Variants in ASTN2 observed in about 807,000 individuals in gnomAD.
The protein encoded by ASTN2 is astrotactin 2.
A neutral mutation model predicts 139.8 loss-of-function variants in ASTN2; 54 were observed. The ratio of observed to expected loss-of-function variants is 0.39; its 90% CI spans 0.31 to 0.48. The LOEUF (loss-of-function observed/expected upper bound fraction) is 0.48, where lower values mean the gene tolerates loss of function less well. ASTN2 is among the 20% of genes least tolerant of loss of function. The probability of loss-of-function intolerance (pLI) is 0.95; values close to 1 mark genes in which losing one functional copy is unlikely to be tolerated. For synonymous variants in ASTN2, 756 were observed against 719.5 expected (o/e 1.05, Z -0.81); for missense variants, 1,565 against 1,725.1 (o/e 0.91, Z 1.64).
chr9:116,782,299 T>C (rs1830240338), intron 13 of ASTN2, among the ~76,000 whole-genome samples: 1 of 152,146 alleles, frequency 6.6e-6, no homozygotes, highest in African/African-American at 2.4e-5. Context: ...CCCATCAATA[T>C]TATGACAGTC....
chr9:117,249,491 T>C (rs1833476869), intron 2 of ASTN2, among the ~76,000 whole-genome samples: 1 of 152,178 alleles, frequency 6.6e-6, no homozygotes, highest in Admixed American at 6.5e-5. Context: ...CTTTATTTTG[T>C]AGCAGAACCC....
intron 3 of ASTN2, among the ~76,000 whole-genome samples, chr9:117,209,405 G>T (rs1373702840): frequency 6.6e-6 from 1 of 151,988 alleles, no homozygotes; most frequent in Non-Finnish European, 1.5e-5. Context: ...CAAGTAGCTG[G>T]AATTATATCA....
intron 2 of ASTN2, among the ~76,000 whole-genome samples, chr9:117,290,359 T>C (rs765488332): frequency 6.6e-6 from 1 of 152,230 alleles, no homozygotes; most frequent in African/African-American, 2.4e-5. Flanking sequence ...CTATCTACCA[T>C]GCAATGCCAA....
At chr9:116,502,873 AAG>A (rs750943548) in intron 19 of ASTN2, among the ~76,000 whole-genome samples, 5 of 147,280 alleles carry the variant, frequency 3.4e-5, no homozygotes, top group East Asian at 2.1e-4. Flanking sequence ...GGAAAGAAAA[AAG>A]AGAGGAAGGA....
chr9:117,004,212 A>G (rs1481476009), intron 7 of ASTN2, among the ~76,000 whole-genome samples: 1 of 152,070 alleles, frequency 6.6e-6, no homozygotes, highest in Non-Finnish European at 1.5e-5. Context: ...CTCGACTTCC[A>G]GGACTCAAGC....
chr9:117,235,394 T>C (rs1833016787), intron 2 of ASTN2, among the ~76,000 whole-genome samples: 1 of 152,144 alleles, frequency 6.6e-6, no homozygotes, highest in South Asian at 2.1e-4. Flanking sequence ...ATTTTGCAGA[T>C]AAGAAAACAA....
At chr9:116,976,321 A>G (rs1836340796) in intron 8 of ASTN2, 133 bp from the exon 9 acceptor site, 1 of 695,192 alleles carries the variant, frequency 1.4e-6, no homozygotes, top group African/African-American at 1.8e-5. Context: ...AAGACTACTT[A>G]TATTATAAAA....
chr9:117,136,415 A>G (rs1829951945), intron 4 of ASTN2, among the ~76,000 whole-genome samples: 1 of 152,250 alleles, frequency 6.6e-6, no homozygotes, highest in Non-Finnish European at 1.5e-5. Context: ...CTTTTAAAAG[A>G]TGAACCTGAA....
chr9:117,229,788 T>C (rs766430585), intron 2 of ASTN2, among the ~76,000 whole-genome samples: 1 of 152,062 alleles, frequency 6.6e-6, no homozygotes, highest in Non-Finnish European at 1.5e-5. Context: ...AACCAGCAGG[T>C]CCTGAGGAAA....
chr9:117,181,856 C>G (rs1361162669), intron 3 of ASTN2, among the ~76,000 whole-genome samples: 3 of 152,182 alleles, frequency 2.0e-5, no homozygotes, highest in African/African-American at 4.8e-5. Flanking sequence ...TCTTTCCTCT[C>G]TCTTTCCTGC....
At chr9:116,926,403 C>A (rs1834756809) in intron 10 of ASTN2, among the ~76,000 whole-genome samples, 1 of 152,168 alleles carries the variant, frequency 6.6e-6, no homozygotes, top group African/African-American at 2.4e-5. Context: ...ATAGCCTTGC[C>A]AGCTTCATCT....
At chr9:116,473,105 T>C (rs1016690832) in intron 20 of ASTN2, among the ~76,000 whole-genome samples, 2 of 152,132 alleles carry the variant, frequency 1.3e-5, no homozygotes, top group African/African-American at 2.4e-5. Flanking sequence ...CTTTGCATAA[T>C]GAATGGCATG....
intron 5 of ASTN2, among the ~76,000 whole-genome samples, chr9:117,055,753 A>G (rs1267339824): frequency 2.0e-5 from 3 of 152,246 alleles, no homozygotes; most frequent in Non-Finnish European, 4.4e-5. Context: ...AGAAAAGGAA[A>G]GAGGGCAAGG....
intron 19 of ASTN2, among the ~76,000 whole-genome samples, chr9:116,578,006 A>G (rs932835071): frequency 2.0e-5 from 3 of 152,204 alleles, no homozygotes; most frequent in South Asian, 2.1e-4. Flanking sequence ...TATAAACCAC[A>G]CTAAGAAACG....
At chr9:117,014,685 AG>A (rs1447161159) in intron 6 of ASTN2, among the ~76,000 whole-genome samples, 1 of 152,110 alleles carries the variant, frequency 6.6e-6, no homozygotes, top group East Asian at 1.9e-4. Flanking sequence ...CCTTGAAGAC[AG>A]GGTCTTCAAA....
chr9:116,572,324 G>C (rs548371895), intron 19 of ASTN2, among the ~76,000 whole-genome samples: 180 of 152,300 alleles, frequency 1.2e-3, no homozygotes, highest in African/African-American at 4.1e-3. Flanking sequence ...TTGGACCCCA[G>C]TGTTGCGTGG....
At chr9:116,781,054 G>C (rs1201540500) in intron 13 of ASTN2, among the ~76,000 whole-genome samples, 5 of 152,036 alleles carry the variant, frequency 3.3e-5, no homozygotes, top group Non-Finnish European at 7.4e-5. Context: ...TGGTCAGGCT[G>C]GTCTCGAACT....
chr9:116,697,218 A>T (rs1198879696), intron 16 of ASTN2, among the ~76,000 whole-genome samples: 4 of 152,322 alleles, frequency 2.6e-5, no homozygotes, highest in Non-Finnish European at 5.9e-5. Context: ...GAAGTTGTAA[A>T]ATTCACCAAA....
chr9:117,017,942 C>T (rs1837764197), intron 6 of ASTN2, among the ~76,000 whole-genome samples: 1 of 144,330 alleles, frequency 6.9e-6, no homozygotes, highest in Non-Finnish European at 1.5e-5. Flanking sequence ...GGGACACAGC[C>T]AGATATCAGT....
Sources: gnomAD v4.1 joint callset for allele counts (sites outside exome capture counted in the v4.1 genomes callset) on GRCh38, gnomAD v4.1.1 for gene constraint, MANE v1.5 for transcripts, NCBI Gene and HGNC (gene_info 2026-07-23, HGNC 2026-07-21) for gene names.